Variants in ACSF3 observed in about 807,000 individuals in gnomAD.
ACSF3 encodes acyl-CoA synthetase family member 3, also known as malonate--CoA ligase ACSF3, mitochondrial.
A neutral mutation model predicts 53.2 loss-of-function variants in ACSF3; 78 were observed. That is an observed-to-expected ratio of 1.47 (90% CI 1.22 to 1.77). ACSF3 has a LOEUF of 1.77. Among genes scored for constraint, ACSF3 ranks in the 40% most tolerant of loss-of-function variants. The pLI is 0.00. For missense variants in ACSF3, 937 were observed against 771.1 expected (o/e 1.22, Z -2.55); for synonymous variants, 414 against 333.1 (o/e 1.24, Z -2.65).
intron 2 of ACSF3, among the ~76,000 whole-genome samples, 175 bp downstream of exon 2, chr16:89,098,938 C>A (rs1567680821): frequency 6.6e-6 from 1 of 152,248 alleles, no homozygotes; most frequent in Non-Finnish European, 1.5e-5. Flanking sequence ...TCCCTGAAAA[C>A]CAAACGGACA....
At chr16:89,100,199 C>G (rs12447799) in intron 2 of ACSF3, among the ~76,000 whole-genome samples, 100,392 of 152,164 alleles carry the variant, frequency 0.66, 34,050 homozygotes, top group Admixed American at 0.74. Flanking sequence ...TGGGAAGGGT[C>G]TGAGAGAGGC....
chr16:89,134,021 C>T (rs761224046), intron 8 of ACSF3, among the ~76,000 whole-genome samples: 5 of 152,192 alleles, frequency 3.3e-5, no homozygotes, highest in Admixed American at 1.3e-4. Flanking sequence ...TCCCACATCC[C>T]GCCCCATGGG....
At chr16:89,107,471 C>G (rs1174400840) in intron 4 of ACSF3, among the ~76,000 whole-genome samples, 1 of 152,236 alleles carries the variant, frequency 6.6e-6, no homozygotes. Context: ...TACACGCGTG[C>G]TCCGTTTTCC....
intron 7 of ACSF3, among the ~76,000 whole-genome samples, chr16:89,121,622 C>T (rs955602838): frequency 6.6e-6 from 1 of 152,196 alleles, no homozygotes; most frequent in African/African-American, 2.4e-5. Context: ...GTATCCACAC[C>T]TGATACCACA....
chr16:89,142,070 C>T (rs768643625), intron 8 of ACSF3, among the ~76,000 whole-genome samples: 31 of 152,024 alleles, frequency 2.0e-4, no homozygotes, highest in Non-Finnish European at 3.4e-4. Context: ...CACCATGTTG[C>T]GCGCCGACCC....
At chr16:89,141,367 C>G in intron 8 of ACSF3, 1 of 1,224,420 alleles carries the variant, frequency 8.2e-7, no homozygotes, top group Non-Finnish European at 1.1e-6. Flanking sequence ...TAGAACAAAG[C>G]CTGACATGTT....
chr16:89,154,803 C>T lies in ACSF3; in HGVS notation c.*596C>T. ...GCTCCCACTGTGGGGACACCTGCCA[C>T]CCTGCACACTACTGTGTGTCCATCA... On this transcript the variant is annotated 3_prime_UTR_variant, in exon 11 of 11. Coordinates refer to ENST00000614302, the MANE Select transcript of ACSF3 (RefSeq NM_001243279.3). 2.2e-6 allele frequency: 1 copy of T among 454,156 alleles called. No individual in the cohort carries two copies. Among genetic ancestry groups the T allele is most frequent in the Non-Finnish European group, 4.4e-6 (1 of 226,792 alleles). 28.1% of individuals were successfully genotyped at this position (454,156 alleles called of 1,614,324 possible). A position where few individuals can be genotyped will look rare whatever the true frequency, so the allele number is the denominator to read the frequency against.
chr16:89,104,471 G>C (rs1975732445), intron 4 of ACSF3, among the ~76,000 whole-genome samples: 2 of 152,220 alleles, frequency 1.3e-5, no homozygotes, highest in Non-Finnish European at 2.9e-5. Flanking sequence ...GACTCTTCCT[G>C]TCTGAAGTCT....
At chr16:89,098,285 C>T (rs866796065) in intron 1 of ACSF3, among the ~76,000 whole-genome samples, 4 of 152,294 alleles carry the variant, frequency 2.6e-5, no homozygotes, top group Middle Eastern at 3.4e-3. Context: ...TTAGTACAAA[C>T]CACAGACAAT....
intron 7 of ACSF3, among the ~76,000 whole-genome samples, chr16:89,124,527 G>T (rs576411944): frequency 6.6e-6 from 1 of 150,972 alleles, no homozygotes; most frequent in South Asian, 2.1e-4. Context: ...ATGTATGTGT[G>T]TGTGTTACCC....
intron 6 of ACSF3, among the ~76,000 whole-genome samples, chr16:89,115,470 G>A (rs1904956857): frequency 6.6e-6 from 1 of 152,230 alleles, no homozygotes; most frequent in Non-Finnish European, 1.5e-5. Flanking sequence ...ACAGTCAACT[G>A]CCTGTGCTGT....
At chr16:89,140,758 C>T (rs139985785) in intron 8 of ACSF3, among the ~76,000 whole-genome samples, 193 of 152,248 alleles carry the variant, frequency 1.3e-3, no homozygotes, top group Middle Eastern at 6.8e-3. Flanking sequence ...CTGGGGACCA[C>T]AGCACCTCAC....
At chr16:89,131,761 C>A (rs1371805600) in intron 7 of ACSF3, among the ~76,000 whole-genome samples, 4 of 152,222 alleles carry the variant, frequency 2.6e-5, no homozygotes, top group East Asian at 1.9e-4. Flanking sequence ...CCAGTCTGAC[C>A]ACGTCAGTGG....
Position 89,102,736 on chromosome 16 carries a change from A to G in ACSF3, c.799A>G (p.Met267Val), listed in dbSNP as rs538442044. 8.1e-6 allele frequency: 13 copies of G among 1,612,872 alleles called. No individual in the cohort carries two copies. The Admixed American group carries it at 2.2e-4, about 27-fold the overall frequency. The change falls in exon 4 of 11, where the codon ATG (methionine) becomes GTG (valine). Residue 267 changes from methionine to valine, a missense_variant. By Grantham distance (21) the Met-to-Val change is conservative. Transcript: ENST00000614302. ...CTGGGTGGGAGCCACCTGTGTGATG[A>G]TGCCTGAGTTCAGCCCTCAGCAGGT... ...PLWVGATCVM[M>V]PEFSPQQVWE...
At chr16:89,098,353 C>G (rs1249932568) in intron 1 of ACSF3, among the ~76,000 whole-genome samples, 1 of 152,226 alleles carries the variant, frequency 6.6e-6, no homozygotes, top group Non-Finnish European at 1.5e-5. Flanking sequence ...GAGAGAGAAC[C>G]TGCTGAACAT....
rs536089632 is a variant in ACSF3 at position 89,146,655 on chromosome 16, A to G, written c.1613+606A>G. Among the ~76,000 whole-genome samples the G allele has an allele frequency of 1.6e-4, 25 of 152,148 alleles. No homozygotes were observed. In the East Asian group the frequency reaches 4.6e-3, roughly 28 times the overall value. ...CCTCAGTCATTTCACTTTCCCCTCC[A>G]TGTCCAGGGCAGGGCCTGTTCCTCA... On this transcript the variant is annotated intron_variant, in intron 10 of 10. Transcript: ENST00000614302.
At chr16:89,114,613 GC>G in intron 6 of ACSF3, 126 bp downstream of exon 6, 1 of 1,406,616 alleles carries the variant, frequency 7.1e-7, no homozygotes, top group Non-Finnish European at 9.8e-7. Flanking sequence ...CGTGGGACAG[GC>G]CACTCGGCCA....
At chr16:89,120,015 C>T (rs976811096) in intron 6 of ACSF3, among the ~76,000 whole-genome samples, 39 of 152,244 alleles carry the variant, frequency 2.6e-4, no homozygotes, top group Admixed American at 2.4e-3. Flanking sequence ...GCCCCTAGGT[C>T]ATGCCCGTGC....
chr16:89,155,899 A>G lies in ACSF3; in HGVS notation c.*1692A>G. ...TAATGAGTGTAACTTTCTGCTGACA[A>G]TACTACAAACTACAGAAAGCCTGGA... is the stretch of plus-strand genomic sequence containing the variant. On this transcript the variant is annotated 3_prime_UTR_variant, in exon 11 of 11. Transcript: ENST00000614302. 1 of 390,382 alleles carries G rather than the reference A, an allele frequency of 2.6e-6. No individual in the cohort carries two copies. The highest frequency in any genetic ancestry group is 5.1e-6 in the Non-Finnish European group (1 of 197,654). 24.2% of individuals were successfully genotyped at this position (390,382 alleles called of 1,614,324 possible).
Sources: allele counts gnomAD v4.1 joint callset (sites outside exome capture counted in the v4.1 genomes callset), GRCh38; gene constraint gnomAD v4.1.1; transcripts MANE v1.5; gene names NCBI Gene and HGNC (gene_info 2026-07-23, HGNC 2026-07-21).